DSG1: variants seen among roughly 807,000 people sequenced by gnomAD.
DSG1 encodes desmoglein-1.
Under a neutral mutation model 97.5 loss-of-function variants are expected in DSG1, and 39 were observed. The ratio of observed to expected loss-of-function variants is 0.40; its 90% CI spans 0.31 to 0.52. The LOEUF (loss-of-function observed/expected upper bound fraction) is 0.52, where lower values mean the gene tolerates loss of function less well. Ranked by LOEUF, DSG1 falls within the 20% of genes least tolerant of loss-of-function variation. The pLI is 0.53. For missense variants in DSG1, 1,311 were observed against 1,295.4 expected (o/e 1.01, Z -0.18); for synonymous variants, 475 against 443.4 (o/e 1.07, Z -0.90).
At chr18:31,323,897 A>C (rs1598696629) in intron 1 of DSG1, among the ~76,000 whole-genome samples, 1 of 144,338 alleles carries the variant, frequency 6.9e-6, no homozygotes, top group East Asian at 2.0e-4. Context: ...TTTTCCTCTG[A>C]CCTCCATTAT....
At position 31,343,435 on chromosome 18, in the gene DSG1, T is replaced by C. The variant is rs771240038; in HGVS notation, c.1688-15T>C. On this transcript the variant is annotated splice_polypyrimidine_tract_variant and intron_variant, in intron 11 of 14. Coordinates refer to ENST00000257192, the MANE Select transcript of DSG1 (RefSeq NM_001942.4). ...CCCAGTGCTAACTCTAGTATTACTA[T>C]CCCTCCACCACCAGTGGTCCCATTT... The C allele has an allele frequency of 1.2e-6, 2 of 1,614,128 alleles. No homozygotes were observed. Among genetic ancestry groups the C allele is most frequent in the Non-Finnish European group, 1.7e-6 (2 of 1,180,008 alleles).
chr18:31,346,138 T>A lies in DSG1; in HGVS notation c.2040T>A (p.Ser680=). Reference sequence around the variant, plus strand: ...ACTCTGGAACATTAAGAAGAAATTCTATGAGGGAATGTAGAGAAGGAGGTC... The same window carrying A: ...ACTCTGGAACATTAAGAAGAAATTCAATGAGGGAATGTAGAGAAGGAGGTC... ...QEYSGTLRRN[S]MRECREGGLN... Residue 680 remains serine, a synonymous_variant, in exon 14 of 15, where the codon TCT becomes TCA. Transcript: ENST00000257192. The A allele has an allele frequency of 1.2e-6, 2 of 1,613,958 alleles. No homozygotes were observed. Among genetic ancestry groups the A allele is most frequent in the Non-Finnish European group, 1.7e-6 (2 of 1,179,860 alleles).
At chr18:31,330,057 CA>C (rs774995082) in intron 5 of DSG1, 21 bp downstream of exon 5, 1 of 1,612,008 alleles carries the variant, frequency 6.2e-7, no homozygotes, top group South Asian at 1.1e-5. Context: ...TAGTGGCTTC[CA>C]AATCACTCCT....
chr18:31,330,729 G>T (rs535416355), intron 5 of DSG1, among the ~76,000 whole-genome samples: 1 of 152,060 alleles, frequency 6.6e-6, no homozygotes, highest in South Asian at 2.1e-4. Context: ...AACATAAATG[G>T]TATCATCTGT....
chr18:31,345,863 T>C lies in DSG1; in HGVS notation c.1892-127T>C, dbSNP rs1015474458. The C allele has an allele frequency of 1.0e-5, 7 of 696,678 alleles. No individual in the cohort carries two copies. The African/African-American group carries it at 1.1e-4, about 11-fold the overall frequency. The allele number at this position is 696,678 out of a possible 1,614,324, so 43.2% of individuals were successfully genotyped here. On this transcript the variant is annotated intron_variant, in intron 13 of 14. Transcript: ENST00000257192. ...ATTTATATCTCCTTTCTTTATGTAT[T>C]ATCTTTTTATTTCTTTGTTCACAAA...
At chr18:31,326,461 A>G (rs1231796267) in intron 1 of DSG1, 120 bp from the exon 2 acceptor site, 5 of 795,438 alleles carry the variant, frequency 6.3e-6, no homozygotes, top group Non-Finnish European at 1.0e-5. Flanking sequence ...TTTGGCTGAT[A>G]AAATAATTTT....
chr18:31,329,858 T>C (rs2071709679), intron 4 of DSG1, 34 bp from the exon 5 acceptor site: 1 of 1,609,586 alleles, frequency 6.2e-7, no homozygotes, highest in East Asian at 2.2e-5. Flanking sequence ...AAATCTGTGT[T>C]TCACTGTATA....
At chr18:31,337,620 T>A (rs1228764262) in intron 9 of DSG1, among the ~76,000 whole-genome samples, 1 of 152,186 alleles carries the variant, frequency 6.6e-6, no homozygotes, top group Non-Finnish European at 1.5e-5. Flanking sequence ...CTGTTAGAAG[T>A]CCTGTCACAC....
intron 5 of DSG1, 90 bp downstream of exon 5, chr18:31,330,126 A>G: frequency 6.8e-7 from 1 of 1,474,102 alleles, no homozygotes; most frequent in Non-Finnish European, 9.5e-7. Context: ...CATGAATGTA[A>G]GAGATAAACT....
chr18:31,320,085 C>T (rs7234854), intron 1 of DSG1, among the ~76,000 whole-genome samples: 60,697 of 151,966 alleles, frequency 0.4, 13,332 homozygotes, highest in Non-Finnish European at 0.49. Flanking sequence ...GAAAACATTT[C>T]ACTTTCTAAG....
chr18:31,353,398 C>G (rs2071918936), intron 14 of DSG1, among the ~76,000 whole-genome samples: 1 of 150,700 alleles, frequency 6.6e-6, no homozygotes, highest in Non-Finnish European at 1.5e-5. Context: ...ACATTTAAGT[C>G]TGCAGAGGTT....
rs139636597 is a variant in DSG1 at position 31,338,418 on chromosome 18, G to C, written c.1369G>C (p.Gly457Arg). 6.2e-7 allele frequency: 1 copy of C among 1,613,406 alleles called. No individual in the cohort carries two copies. Among genetic ancestry groups the C allele is most frequent in the Non-Finnish European group, 8.5e-7 (1 of 1,179,652 alleles). The change falls in exon 10 of 15, where the codon GGA (glycine) becomes CGA (arginine). Residue 457 changes from glycine (G) to arginine (R), a missense_variant. By Grantham distance (125) the Gly-to-Arg change is moderately radical (BLOSUM62 -2). Coordinates refer to ENST00000257192, the MANE Select transcript of DSG1 (RefSeq NM_001942.4). ...TACCAAGGAACAGTACAATATGCTC[G>C]GAGGAAAATACCAAGGAACGATTCT... is the stretch of plus-strand genomic sequence containing the variant. ...KVTKEQYNML[G>R]GKYQGTILSI...
intron 5 of DSG1, among the ~76,000 whole-genome samples, chr18:31,330,243 A>G (rs2071711963): frequency 6.6e-6 from 1 of 152,120 alleles, no homozygotes; most frequent in Non-Finnish European, 1.5e-5. Context: ...TTTTTCTCAC[A>G]TAACTCGCAG....
chr18:31,331,568 A>T, intron 5 of DSG1, 133 bp from the exon 6 acceptor site: 2 of 749,028 alleles, frequency 2.7e-6, no homozygotes, highest in Admixed American at 4.3e-5. Flanking sequence ...ATGTTGAAGG[A>T]GTAGAAAGGG....
chr18:31,323,476 C>A (rs2144083575), intron 1 of DSG1, among the ~76,000 whole-genome samples: 1 of 152,220 alleles, frequency 6.6e-6, no homozygotes, highest in South Asian at 2.1e-4. Context: ...TCTATCTTTC[C>A]TTGCCTTTGT....
chr18:31,355,319 G>A lies in DSG1; in HGVS notation c.3123G>A (p.Lys1041=), dbSNP rs367940291. 4.3e-6 allele frequency: 7 copies of A among 1,614,192 alleles called. No homozygotes were observed. The highest frequency in any genetic ancestry group is 5.9e-6 in the Non-Finnish European group (7 of 1,180,040). The change falls in exon 15 of 15, where the codon AAG becomes AAA. Residue 1041 remains lysine (K), a synonymous_variant. Transcript: ENST00000257192. ...SPSTARSRIT[K]YSTVQYSK Reference sequence around the variant, plus strand: ...GCACAGCTCGAAGTCGAATCACAAAGTATAGTACCGTGCAATATAGCAAGT... The same window carrying A: ...GCACAGCTCGAAGTCGAATCACAAAATATAGTACCGTGCAATATAGCAAGT...
At chr18:31,337,435 T>C (rs533689420) in intron 9 of DSG1, among the ~76,000 whole-genome samples, 1 of 152,132 alleles carries the variant, frequency 6.6e-6, no homozygotes, top group African/African-American at 2.4e-5. Flanking sequence ...TTTGTTTTAG[T>C]AGAGAAGGGG....
In DSG1 at chr18:31,357,821, C is replaced by G. The variant is rs1340781037; in HGVS notation, c.*2475C>G. ...CAAGAAAAACTGAAGTATTAGTCAC[C>G]TATCTTTCTGGGAAGATACTTTCCA... On this transcript the variant is annotated 3_prime_UTR_variant, in exon 15 of 15. Transcript: ENST00000257192. 6.6e-6 allele frequency among the ~76,000 whole-genome samples: 1 copy of G among 152,006 alleles called. No homozygotes were observed. The highest frequency in any genetic ancestry group is 2.4e-5 in the African/African-American group (1 of 41,446).
intron 14 of DSG1, among the ~76,000 whole-genome samples, chr18:31,348,436 C>T (rs1396654990): frequency 1.3e-5 from 2 of 151,704 alleles, no homozygotes; most frequent in Admixed American, 6.5e-5. Context: ...CATACGTGTG[C>T]ATGTGTCTTT....
Sources: allele counts gnomAD v4.1 joint callset (sites outside exome capture counted in the v4.1 genomes callset), GRCh38; gene constraint gnomAD v4.1.1; transcripts MANE v1.5; gene names NCBI Gene and HGNC (gene_info 2026-07-23, HGNC 2026-07-21).